CNTN5: variants seen among roughly 807,000 people sequenced by gnomAD.
The protein encoded by CNTN5 is contactin-5.
CNTN5 carries 77 observed loss-of-function variants against 129.1 expected under a neutral mutation model. The ratio of observed to expected loss-of-function variants is 0.60; its 90% CI spans 0.50 to 0.72. The LOEUF (loss-of-function observed/expected upper bound fraction) is 0.72. Among genes scored for constraint, CNTN5 ranks in the 30% least tolerant of loss-of-function variants. The pLI is 0.00. For missense variants in CNTN5, 1,478 were observed against 1,328.8 expected (o/e 1.11, Z -1.75); for synonymous variants, 509 against 465.6 (o/e 1.09, Z -1.20).
chr11:99,734,241 A>G (rs553801960), intron 3 of CNTN5, among the ~76,000 whole-genome samples: 2 of 152,344 alleles, frequency 1.3e-5, no homozygotes, highest in South Asian at 4.1e-4. Context: ...TGTGTTATAA[A>G]CAATCCAATT....
intron 6 of CNTN5, among the ~76,000 whole-genome samples, chr11:99,895,175 T>C (rs1393975232): frequency 6.6e-6 from 1 of 152,190 alleles, no homozygotes; most frequent in Non-Finnish European, 1.5e-5. Context: ...TCAGTGTCAG[T>C]ACTAGGCATC....
chr11:99,288,739 A>G (rs1214125345), intron 1 of CNTN5, among the ~76,000 whole-genome samples: 4 of 151,944 alleles, frequency 2.6e-5, no homozygotes, highest in African/African-American at 4.8e-5. Context: ...CAAAGGCTCT[A>G]TGAAAACAAA....
At chr11:99,290,935 T>C (rs551718056) in intron 1 of CNTN5, among the ~76,000 whole-genome samples, 13 of 152,020 alleles carry the variant, frequency 8.6e-5, no homozygotes, top group African/African-American at 2.6e-4. Flanking sequence ...ATAACTGTAC[T>C]GTACTTGATA....
intron 2 of CNTN5, among the ~76,000 whole-genome samples, chr11:99,329,045 G>A (rs1865900786): frequency 6.6e-6 from 1 of 152,042 alleles, no homozygotes; most frequent in African/African-American, 2.4e-5. Flanking sequence ...TATGGTGGTG[G>A]GACGGGGTGG....
At chr11:99,076,393 T>C (rs1200970158) in intron 1 of CNTN5, among the ~76,000 whole-genome samples, 1 of 151,856 alleles carries the variant, frequency 6.6e-6, no homozygotes, top group African/African-American at 2.4e-5. Context: ...AGCTCCCCAT[T>C]GTTGGTAAAA....
At chr11:99,826,154 T>C (rs1418574096) in intron 4 of CNTN5, among the ~76,000 whole-genome samples, 1 of 152,178 alleles carries the variant, frequency 6.6e-6, no homozygotes, top group Non-Finnish European at 1.5e-5. Context: ...ACTTTGGCTT[T>C]TTTTTGCAAT....
chr11:99,050,303 T>C (rs1015907245), intron 1 of CNTN5, among the ~76,000 whole-genome samples: 1 of 152,044 alleles, frequency 6.6e-6, no homozygotes, highest in Non-Finnish European at 1.5e-5. Context: ...ACTAAAGTGA[T>C]TTGTGGATTT....
chr11:100,261,604 C>T (rs530094157), intron 17 of CNTN5, among the ~76,000 whole-genome samples: 29 of 151,944 alleles, frequency 1.9e-4, no homozygotes, highest in Non-Finnish European at 2.9e-4. Flanking sequence ...ACAGAGATAC[C>T]GACCAATGGA....
chr11:99,859,800 C>T (rs1591323251), intron 6 of CNTN5, among the ~76,000 whole-genome samples: 5 of 152,134 alleles, frequency 3.3e-5, no homozygotes, highest in Admixed American at 3.3e-4. Context: ...AATAGTGCTT[C>T]AGTGAACATG....
At chr11:100,151,311 T>C (rs1170376489) in intron 13 of CNTN5, among the ~76,000 whole-genome samples, 1 of 152,140 alleles carries the variant, frequency 6.6e-6, no homozygotes, top group Non-Finnish European at 1.5e-5. Flanking sequence ...ACATACCATG[T>C]TCCAGGCATT....
At chr11:99,199,357 T>C (rs1416527637) in intron 1 of CNTN5, among the ~76,000 whole-genome samples, 1 of 152,188 alleles carries the variant, frequency 6.6e-6, no homozygotes, top group Non-Finnish European at 1.5e-5. Context: ...CATTTAGTTT[T>C]GAAATTGTTT....
At chr11:99,492,440 T>A (rs925369258) in intron 2 of CNTN5, among the ~76,000 whole-genome samples, 1 of 152,226 alleles carries the variant, frequency 6.6e-6, no homozygotes, top group Non-Finnish European at 1.5e-5. Flanking sequence ...CATTCTTTTT[T>A]CTTTGTAGCT....
At chr11:99,253,972 A>G (rs1862248095) in intron 1 of CNTN5, among the ~76,000 whole-genome samples, 1 of 150,202 alleles carries the variant, frequency 6.7e-6, no homozygotes. Flanking sequence ...ATACATACAC[A>G]TGCTCATCAT....
chr11:99,336,414 T>G (rs1866227311), intron 2 of CNTN5, among the ~76,000 whole-genome samples: 2 of 152,194 alleles, frequency 1.3e-5, no homozygotes, highest in Non-Finnish European at 2.9e-5. Context: ...TCTAATACTA[T>G]TACTGTGAAA....
At chr11:99,856,604 G>C (rs553136948) in intron 6 of CNTN5, among the ~76,000 whole-genome samples, 2 of 67,630 alleles carry the variant, frequency 3.0e-5, no homozygotes, top group African/African-American at 1.2e-4. Context: ...CTTTATTCTT[G>C]AATCTGTTGG....
intron 1 of CNTN5, among the ~76,000 whole-genome samples, chr11:99,103,912 C>T (rs751021943): frequency 3.9e-5 from 6 of 152,150 alleles, no homozygotes; most frequent in Non-Finnish European, 5.9e-5. Flanking sequence ...AAATTCTCCT[C>T]TATCATCTTC....
intron 2 of CNTN5, among the ~76,000 whole-genome samples, chr11:99,464,848 T>C (rs1944871878): frequency 1.3e-5 from 2 of 152,174 alleles, no homozygotes; most frequent in Non-Finnish European, 2.9e-5. Context: ...CCACTGGAGA[T>C]TGGTAACCAA....
At position 99,905,204 on chromosome 11, in the gene CNTN5, A is replaced by T. The variant is rs567002924; in HGVS notation, c.578-10850A>T. ...ATTGCTTTTGGTGTTTTAGTCATGA[A>T]GTCTTTGCCCATGCCTATGTCCCGA... On this transcript the variant is annotated intron_variant, in intron 6 of 24. Coordinates refer to ENST00000524871, the MANE Select transcript of CNTN5 (RefSeq NM_014361.4). Among the ~76,000 whole-genome samples the T allele has an allele frequency of 6.6e-5, 10 of 152,262 alleles. 1 individual carries two copies. In the South Asian group the frequency reaches 2.1e-3, roughly 32 times the overall value.
At chr11:99,467,609 A>G (rs2135261551) in intron 2 of CNTN5, among the ~76,000 whole-genome samples, 1 of 152,168 alleles carries the variant, frequency 6.6e-6, no homozygotes, top group South Asian at 2.1e-4. Flanking sequence ...TAATTACTCT[A>G]GCTTTGTTAC....
Sources: gnomAD v4.1 joint callset for allele counts (sites outside exome capture counted in the v4.1 genomes callset) on GRCh38, gnomAD v4.1.1 for gene constraint, MANE v1.5 for transcripts, NCBI Gene and HGNC (gene_info 2026-07-23, HGNC 2026-07-21) for gene names.